The following SDK1 variants were observed in gnomAD, a reference collection of about 807,000 sequenced individuals.
SDK1 encodes the protein protein sidekick-1.
Under a neutral mutation model 245.5 loss-of-function variants are expected in SDK1, and 157 were observed. The ratio of observed to expected loss-of-function variants is 0.64; its 90% CI spans 0.56 to 0.73. The LOEUF (loss-of-function observed/expected upper bound fraction) is 0.73, where lower values mean the gene tolerates loss of function less well. Among genes scored for constraint, SDK1 ranks in the 30% least tolerant of loss-of-function variants. The pLI is 0.00. For synonymous variants in SDK1, 1,647 were observed against 1,278.5 expected, an observed-to-expected ratio of 1.29 and a Z score of -6.15; for missense variants, 3,583 against 3,002.3, an observed-to-expected ratio of 1.19 and a Z score of -4.52.
rs145330349 is a variant in SDK1, at chr7:4,244,315, T to C, written c.6252-1361T>C. Among the ~76,000 whole-genome samples the C allele has an allele frequency of 1.2e-3, 176 of 152,342 alleles. 1 individual carries two copies. Among genetic ancestry groups the C allele is most frequent in the African/African-American group, 4.0e-3 (167 of 41,578 alleles). ...CATGAGGGAGGGCTTGCTGGGTTGC[T>C]GGGGGTCCTGGACATGGTCCCTTTG... On this transcript the variant is annotated intron_variant, in intron 43 of 44. Transcript: ENST00000404826.
chr7:3,992,184 C>T (rs1192294716), intron 14 of SDK1, among the ~76,000 whole-genome samples: 3 of 152,226 alleles, frequency 2.0e-5, no homozygotes, highest in African/African-American at 7.2e-5. Flanking sequence ...TTGATAGCCT[C>T]TGCCCTGACG....
At chr7:4,033,469 T>C (rs754716912) in intron 17 of SDK1, among the ~76,000 whole-genome samples, 24 of 152,124 alleles carry the variant, frequency 1.6e-4, no homozygotes, top group Admixed American at 3.9e-4. Context: ...ACTGACTATT[T>C]AGAAGCTTTA....
intron 5 of SDK1, among the ~76,000 whole-genome samples, chr7:3,828,941 G>A (rs1310720719): frequency 1.3e-5 from 2 of 151,986 alleles, no homozygotes; most frequent in South Asian, 2.1e-4. Context: ...ACAGGTGTGA[G>A]CTACTGAACC....
chr7:3,308,154 A>G (rs1442322396), intron 1 of SDK1, among the ~76,000 whole-genome samples: 3 of 152,164 alleles, frequency 2.0e-5, no homozygotes, highest in African/African-American at 7.2e-5. Context: ...TTATCAGTAT[A>G]AGCCTGAAAT....
At chr7:3,680,793 A>C (rs1247899220) in intron 4 of SDK1, among the ~76,000 whole-genome samples, 1 of 152,168 alleles carries the variant, frequency 6.6e-6, no homozygotes, top group African/African-American at 2.4e-5. Flanking sequence ...GGCAACAGCT[A>C]TCCTGACTTA....
At chr7:3,958,783 C>A in intron 7 of SDK1, 148 bp from the exon 8 acceptor site, 4 of 684,500 alleles carry the variant, frequency 5.8e-6, no homozygotes, top group Admixed American at 2.5e-5. Flanking sequence ...CCTGTGCTCA[C>A]TGAGTTCTGA....
At chr7:3,317,589 A>G (rs1473589996) in intron 1 of SDK1, among the ~76,000 whole-genome samples, 2 of 151,838 alleles carry the variant, frequency 1.3e-5, no homozygotes, top group African/African-American at 4.8e-5. Flanking sequence ...TTCATTGACT[A>G]TCTTTAAGTG....
intron 17 of SDK1, among the ~76,000 whole-genome samples, chr7:4,022,760 TTTTC>T (rs887081380): frequency 5.3e-5 from 8 of 150,670 alleles, no homozygotes; most frequent in South Asian, 2.1e-4. Context: ...CTCGTTTTTC[TTTTC>T]TTTCTTTCTT....
chr7:3,817,473 A>T (rs1444493199), intron 4 of SDK1, among the ~76,000 whole-genome samples: 1 of 152,184 alleles, frequency 6.6e-6, no homozygotes, highest in East Asian at 1.9e-4. Context: ...GATCAGGGTG[A>T]ATGTATACTC....
chr7:4,075,601 T>A (rs55808604), intron 20 of SDK1, among the ~76,000 whole-genome samples: 49,043 of 151,654 alleles, frequency 0.32, 8,343 homozygotes, highest in Middle Eastern at 0.41. Context: ...CTGATCACAT[T>A]AACTCCCCTC....
chr7:3,689,285 T>G (rs1784377899), intron 4 of SDK1, among the ~76,000 whole-genome samples: 1 of 152,184 alleles, frequency 6.6e-6, no homozygotes, highest in South Asian at 2.1e-4. Flanking sequence ...CACAAAGATG[T>G]CAGCCCGAGC....
intron 4 of SDK1, among the ~76,000 whole-genome samples, chr7:3,783,079 T>C (rs1194612020): frequency 1.3e-5 from 2 of 152,220 alleles, no homozygotes; most frequent in African/African-American, 4.8e-5. Flanking sequence ...CACAAATCAA[T>C]AAATGTGATA....
At chr7:4,191,317 C>T (rs752283232) in intron 35 of SDK1, among the ~76,000 whole-genome samples, 3 of 152,220 alleles carry the variant, frequency 2.0e-5, no homozygotes, top group African/African-American at 7.2e-5. Flanking sequence ...AGGCTTCACA[C>T]GCACAGCCCG....
Position 4,268,899 on chromosome 7 carries a change from G to A in SDK1, c.*3515G>A. 1 of 415,244 alleles carries A rather than the reference G, an allele frequency of 2.4e-6. No individual in the cohort carries two copies. Among genetic ancestry groups the A allele is most frequent in the Non-Finnish European group, 4.6e-6 (1 of 217,536 alleles). 25.7% of individuals were successfully genotyped at this position (415,244 alleles called of 1,614,324 possible). A position where few individuals can be genotyped will look rare whatever the true frequency, so the allele number is the denominator to read the frequency against. On this transcript the variant is annotated 3_prime_UTR_variant, in exon 45 of 45. Transcript: ENST00000404826. ...CTACAACTTTTTCTGAAATTGTGCA[G>A]AAAAACAGATCTCATTAAAAGAAAA...
At chr7:4,218,967 A>G (rs1304623258) in intron 38 of SDK1, among the ~76,000 whole-genome samples, 2 of 152,004 alleles carry the variant, frequency 1.3e-5, no homozygotes, top group Non-Finnish European at 1.5e-5. Context: ...AATGCTGCAT[A>G]TGTGTAATTT....
intron 1 of SDK1, among the ~76,000 whole-genome samples, chr7:3,472,843 A>G (rs998478816): frequency 2.0e-5 from 3 of 152,210 alleles, no homozygotes; most frequent in African/African-American, 7.2e-5. Context: ...GGTCTGGCTT[A>G]CAGTACCAGC....
chr7:3,689,767 G>A (rs1784395080), intron 4 of SDK1, among the ~76,000 whole-genome samples: 2 of 152,162 alleles, frequency 1.3e-5, no homozygotes, highest in African/African-American at 4.8e-5. Context: ...ATAATTGGAA[G>A]TTATTATTTT....
chr7:3,418,145 G>GCAAAGA (rs1292199670), intron 1 of SDK1, among the ~76,000 whole-genome samples: 1 of 119,726 alleles, frequency 8.4e-6, no homozygotes, highest in Non-Finnish European at 1.6e-5. Flanking sequence ...TACTAAAAAT[G>GCAAAGA]AAAAAAAAAA....
chr7:3,301,909 C>G, intron 1 of SDK1, 25 bp downstream of exon 1: 4 of 1,131,672 alleles, frequency 3.5e-6, no homozygotes, highest in Non-Finnish European at 4.3e-6. Context: ...GGTCGCGGGC[C>G]GGGGGCGTCG....
Sources: gnomAD v4.1 joint callset for allele counts (sites outside exome capture counted in the v4.1 genomes callset) on GRCh38, gnomAD v4.1.1 for gene constraint, MANE v1.5 for transcripts, NCBI Gene and HGNC (gene_info 2026-07-23, HGNC 2026-07-21) for gene names.